USP53: variants seen among roughly 807,000 people sequenced by gnomAD.
USP53 encodes ubiquitin specific peptidase 53, also known as ubiquitin carboxyl-terminal hydrolase 53.
Under a neutral mutation model 94.9 loss-of-function variants are expected in USP53, and 71 were observed. That is an observed-to-expected ratio of 0.75 (90% confidence interval 0.62 to 0.91). The LOEUF (loss-of-function observed/expected upper bound fraction) is 0.91. Among genes scored for constraint, USP53 ranks in the 40% least tolerant of loss-of-function variants. The probability of loss-of-function intolerance (pLI) is 0.00; values close to 1 mark genes in which losing one functional copy is unlikely to be tolerated. For missense variants in USP53, 1,173 were observed against 1,281.0 expected, an observed-to-expected ratio of 0.92 and a Z score of 1.29; for synonymous variants, 375 against 422.7, an observed-to-expected ratio of 0.89 and a Z score of 1.39.
rs1750360349 is a variant in USP53, at chr4:119,260,491, T to G, written c.676-16T>G. Reference sequence around the variant, plus strand: ...ATCTGTTTTCATAATTTTAAAACTTTTATGTTTTTCTGTAGAGTAACTGTG... The same window carrying G: ...ATCTGTTTTCATAATTTTAAAACTTGTATGTTTTTCTGTAGAGTAACTGTG... On this transcript the variant is annotated splice_polypyrimidine_tract_variant and intron_variant, in intron 10 of 18. Transcript: ENST00000692078. 4 of 1,610,242 alleles carry G rather than the reference T, an allele frequency of 2.5e-6. No homozygotes were observed. The highest frequency in any genetic ancestry group is 3.4e-6 in the Non-Finnish European group (4 of 1,177,800).
chr4:119,246,790 A>G (rs1419110214), intron 6 of USP53, among the ~76,000 whole-genome samples: 3 of 152,198 alleles, frequency 2.0e-5, no homozygotes, highest in African/African-American at 7.2e-5. Context: ...AAGGAAGACA[A>G]AGAAACAGAG....
At chr4:119,231,535 C>G (rs1419365385) in intron 3 of USP53, among the ~76,000 whole-genome samples, 1 of 152,128 alleles carries the variant, frequency 6.6e-6, no homozygotes, top group East Asian at 1.9e-4. Context: ...AACGAAGCAG[C>G]TTTCAAGTAC....
At chr4:119,284,221 G>A (rs774732558) in intron 17 of USP53, among the ~76,000 whole-genome samples, 9 of 151,432 alleles carry the variant, frequency 5.9e-5, no homozygotes, top group Admixed American at 2.0e-4. Context: ...AGACATAGAC[G>A]CAAGATTGAA....
intron 5 of USP53, among the ~76,000 whole-genome samples, chr4:119,243,855 A>C (rs1747875282): frequency 7.2e-6 from 1 of 138,126 alleles, no homozygotes; most frequent in Non-Finnish European, 1.6e-5. Context: ...AAAGTTATTT[A>C]ATACTATACT....
At position 119,271,599 on chromosome 4, in the gene USP53, G is replaced by A. The variant is rs750228218; in HGVS notation, c.1739G>A (p.Arg580Gln). The A allele has an allele frequency of 3.6e-5, 58 of 1,613,552 alleles. No individual in the cohort carries two copies. Among genetic ancestry groups the A allele is most frequent in the Middle Eastern group, 3.3e-4 (2 of 6,084 alleles). The change falls in exon 16 of 19, where the codon CGG (arginine) becomes CAG (glutamine). Residue 580 changes from arginine to glutamine, a missense_variant. Coordinates refer to ENST00000692078, the MANE Select transcript of USP53 (RefSeq NM_001371395.1). ...GNSCDSSSKS[R>Q]NRGWKPMRET... ...AGCTGTGATAGCAGCAGTAAAAGCC[G>A]GAACCGAGGTTGGAAACCTATGAGA...
Position 119,233,085 on chromosome 4 carries a change from A to G in USP53, c.-664-2205A>G, listed in dbSNP as rs142101168. Among the ~76,000 whole-genome samples the G allele has an allele frequency of 1.4e-3, 212 of 151,876 alleles. 1 individual carries two copies. The highest frequency in any genetic ancestry group is 5.0e-3 in the African/African-American group (208 of 41,482). The stretch of plus-strand genomic sequence containing the variant: ...TACCTGTTCCTTTTTAGTTATTGCC[A>G]TAAGAAATAAAGTAATATTCTTACC... On this transcript the variant is annotated intron_variant, in intron 3 of 18. Transcript: ENST00000692078.
intron 17 of USP53, among the ~76,000 whole-genome samples, chr4:119,283,987 G>A (rs1490249358): frequency 6.6e-6 from 1 of 151,914 alleles, no homozygotes; most frequent in Non-Finnish European, 1.5e-5. Context: ...AGGAAGAGAA[G>A]TGAGCTAAAG....
chr4:119,275,274 A>T (rs1752466679), intron 17 of USP53, among the ~76,000 whole-genome samples: 1 of 99,776 alleles, frequency 1.0e-5, no homozygotes, highest in African/African-American at 3.5e-5. Flanking sequence ...TGATTTTTGT[A>T]TAAGGTGTAA....
intron 17 of USP53, 50 bp downstream of exon 17, chr4:119,273,758 T>C: frequency 6.9e-7 from 1 of 1,457,084 alleles, no homozygotes; most frequent in African/African-American, 1.4e-5. Context: ...TGAATTATAG[T>C]AATTTATTGT....
chr4:119,280,313 CTG>C (rs1375795963), intron 17 of USP53, among the ~76,000 whole-genome samples: 2 of 151,608 alleles, frequency 1.3e-5, no homozygotes, highest in Non-Finnish European at 2.9e-5. Context: ...GCCCTTAAAA[CTG>C]TGATTTGAGA....
At chr4:119,218,880 T>G (rs1288464144) in intron 3 of USP53, 1 of 152,200 alleles carries the variant, frequency 6.6e-6, no homozygotes, top group Non-Finnish European at 1.5e-5. Flanking sequence ...AGTTGTAGCA[T>G]ATCATCAGAA....
chr4:119,274,666 C>T (rs1409084064), intron 17 of USP53, among the ~76,000 whole-genome samples: 8 of 144,998 alleles, frequency 5.5e-5, no homozygotes, highest in Admixed American at 1.4e-4. Context: ...CCTGAGGAAT[C>T]GCCACACTGA....
intron 7 of USP53, 89 bp downstream of exon 7, chr4:119,248,971 T>G (rs1748611922): frequency 6.6e-7 from 1 of 1,519,662 alleles, no homozygotes; most frequent in South Asian, 1.3e-5. Context: ...AAACAAAAAT[T>G]TAGAACAATA....
chr4:119,227,098 C>T (rs1036050714), intron 3 of USP53, among the ~76,000 whole-genome samples: 1 of 152,156 alleles, frequency 6.6e-6, no homozygotes, highest in Non-Finnish European at 1.5e-5. Context: ...TCTCAAAGTA[C>T]TAGGATTGCA....
chr4:119,225,860 T>G (rs1293605260), intron 3 of USP53, among the ~76,000 whole-genome samples: 1 of 152,174 alleles, frequency 6.6e-6, no homozygotes, highest in African/African-American at 2.4e-5. Flanking sequence ...TATTTAAAAT[T>G]TATTAGCAAA....
At chr4:119,285,207 A>G (rs1324485437) in intron 17 of USP53, among the ~76,000 whole-genome samples, 1 of 151,866 alleles carries the variant, frequency 6.6e-6, no homozygotes, top group Non-Finnish European at 1.5e-5. Flanking sequence ...TCTGTGATGA[A>G]GGAGAGAAAG....
chr4:119,280,731 G>GT (rs1356826729), intron 17 of USP53, among the ~76,000 whole-genome samples: 1 of 152,180 alleles, frequency 6.6e-6, no homozygotes, highest in African/African-American at 2.4e-5. Context: ...ACTCAAGTTT[G>GT]TTTCTTGCTG....
intron 4 of USP53, among the ~76,000 whole-genome samples, chr4:119,238,995 TC>T (rs1446544413): frequency 1.3e-5 from 2 of 152,182 alleles, no homozygotes; most frequent in Non-Finnish European, 2.9e-5. Flanking sequence ...TAGGAAACCA[TC>T]TTTTGAACAT....
chr4:119,218,554 G>A (rs1257758877), intron 3 of USP53: 1 of 151,994 alleles, frequency 6.6e-6, no homozygotes, highest in African/African-American at 2.4e-5. Context: ...CAGTATTATA[G>A]TCTTTTTTCT....
Sources: gnomAD v4.1 joint callset for allele counts (sites outside exome capture counted in the v4.1 genomes callset) on GRCh38, gnomAD v4.1.1 for gene constraint, MANE v1.5 for transcripts, NCBI Gene and HGNC (gene_info 2026-07-23, HGNC 2026-07-21) for gene names.